TMEFF1: variants seen among roughly 807,000 people sequenced by gnomAD.
The protein encoded by TMEFF1 is tomoregulin-1.
A neutral mutation model predicts 47.5 loss-of-function variants in TMEFF1; 20 were observed. The ratio of observed to expected loss-of-function variants is 0.42; its 90% CI spans 0.30 to 0.61. TMEFF1 has a LOEUF of 0.61. Among genes scored for constraint, TMEFF1 ranks in the 20% least tolerant of loss-of-function variants. The pLI is 0.19. For synonymous variants in TMEFF1, 162 were observed against 166.3 expected (o/e 0.97, Z 0.20); for missense variants, 411 against 471.1 (o/e 0.87, Z 1.18).
chr9:100,474,613 A>G (rs145493893), intron 1 of TMEFF1, among the ~76,000 whole-genome samples: 157 of 151,938 alleles, frequency 1.0e-3, no homozygotes, highest in African/African-American at 3.4e-3. Context: ...GAAAGAGGAA[A>G]TTAGGTCTCA....
chr9:100,561,297 G>GA, intron 7 of TMEFF1, 100 bp from the exon 8 acceptor site: 11 of 1,520,494 alleles, frequency 7.2e-6, no homozygotes, highest in Non-Finnish European at 9.6e-6. Flanking sequence ...GTAGGTGGTT[G>GA]ACAGTGGGTG....
intron 1 of TMEFF1, among the ~76,000 whole-genome samples, chr9:100,490,863 G>GTT (rs978811197): frequency 6.6e-6 from 1 of 151,208 alleles, no homozygotes; most frequent in South Asian, 2.1e-4. Flanking sequence ...GTGTGTGTGT[G>GTT]TGTGTGTGTA....
chr9:100,499,554 C>T (rs1235883212), intron 2 of TMEFF1, among the ~76,000 whole-genome samples: 1 of 151,926 alleles, frequency 6.6e-6, no homozygotes, highest in Non-Finnish European at 1.5e-5. Flanking sequence ...ATTTTTTTTC[C>T]ACTCACAATT....
At chr9:100,505,566 A>C (rs1396726172) in intron 2 of TMEFF1, among the ~76,000 whole-genome samples, 2 of 152,168 alleles carry the variant, frequency 1.3e-5, no homozygotes, top group Admixed American at 6.6e-5. Flanking sequence ...GTATTAAGGA[A>C]AGTCTTGTCA....
chr9:100,559,278 T>A (rs1838970849), intron 7 of TMEFF1, among the ~76,000 whole-genome samples: 1 of 152,274 alleles, frequency 6.6e-6, no homozygotes. Flanking sequence ...AGAATTATAG[T>A]ATGGGAGCTG....
intron 8 of TMEFF1, among the ~76,000 whole-genome samples, chr9:100,562,392 T>C (rs1048018883): frequency 2.0e-5 from 3 of 152,102 alleles, no homozygotes; most frequent in African/African-American, 7.2e-5. Flanking sequence ...CTTGGGTCCT[T>C]CTACTTCTTT....
At chr9:100,537,868 T>C (rs1838550455) in intron 5 of TMEFF1, among the ~76,000 whole-genome samples, 1 of 152,210 alleles carries the variant, frequency 6.6e-6, no homozygotes. Flanking sequence ...TTTCCAGAAA[T>C]TAAATTTTTG....
chr9:100,486,007 A>G lies in TMEFF1; in HGVS notation c.196+12267A>G, dbSNP rs116122783. Among the ~76,000 whole-genome samples, 562 of 149,702 alleles carry G rather than the reference A, an allele frequency of 3.8e-3. 2 individuals carry two copies. Among genetic ancestry groups the G allele is most frequent in the African/African-American group, 0.013 (530 of 40,892 alleles). On this transcript the variant is annotated intron_variant, in intron 1 of 9. Coordinates refer to ENST00000374879, the MANE Select transcript of TMEFF1 (RefSeq NM_003692.5). ...CCTTTAAAAACTTTGGCAGGTTATTATATTTTCAACCACAGCTCAATTTCT... is the reference window on the plus strand; with the variant it reads ...CCTTTAAAAACTTTGGCAGGTTATTGTATTTTCAACCACAGCTCAATTTCT...
intron 5 of TMEFF1, among the ~76,000 whole-genome samples, chr9:100,524,977 G>A (rs1838229234): frequency 6.6e-6 from 1 of 152,092 alleles, no homozygotes; most frequent in Admixed American, 6.6e-5. Context: ...ATAAGAATCT[G>A]GGCCAGGCTT....
At chr9:100,497,051 C>A (rs565353550) in intron 1 of TMEFF1, among the ~76,000 whole-genome samples, 1 of 152,218 alleles carries the variant, frequency 6.6e-6, no homozygotes, top group South Asian at 2.1e-4. Context: ...TGGAACCAGA[C>A]CTTGTCCAAG....
chr9:100,566,524 C>T (rs1839128206), intron 8 of TMEFF1, among the ~76,000 whole-genome samples: 1 of 152,132 alleles, frequency 6.6e-6, no homozygotes, highest in Non-Finnish European at 1.5e-5. Flanking sequence ...TCTTTCGTAT[C>T]CAATCAGCTG....
In TMEFF1 at chr9:100,473,371, G is replaced by T. The variant is rs1331803724; in HGVS notation, c.-174G>T. The T allele has an allele frequency of 1.3e-5, 5 of 383,192 alleles. No homozygotes were observed. In the East Asian group the frequency reaches 2.8e-4, roughly 22 times the overall value. The allele number at this position is 383,192 out of a possible 1,614,324, so 23.7% of individuals were successfully genotyped here. On this transcript the variant is annotated 5_prime_UTR_variant, in exon 1 of 10. Transcript: ENST00000374879. This position sits in a 1 kb window ranked among gnomAD's most constrained non-coding sequence, Gnocchi z 5.4. ...ACCCGCCGACTCCGTCCCGAGCGCC[G>T]CGGGCCCGGGCCTGGCGGACGCTGC...
chr9:100,497,578 A>G (rs1020314079), intron 1 of TMEFF1, among the ~76,000 whole-genome samples: 2 of 152,028 alleles, frequency 1.3e-5, no homozygotes, highest in African/African-American at 2.4e-5. Context: ...GTGAGCTAGG[A>G]GTAGGAGACC....
intron 3 of TMEFF1, among the ~76,000 whole-genome samples, chr9:100,511,054 T>C (rs1837955580): frequency 6.6e-6 from 1 of 152,148 alleles, no homozygotes. Context: ...AGACGAGACC[T>C]CTCTTGTAGG....
chr9:100,566,789 C>T (rs185443932), intron 8 of TMEFF1, among the ~76,000 whole-genome samples: 40 of 152,170 alleles, frequency 2.6e-4, no homozygotes, highest in Admixed American at 4.6e-4. Context: ...ACTGCAGCCT[C>T]CACCTCCTGG....
Position 100,567,985 on chromosome 9 carries a change from C to T in TMEFF1, c.900-4533C>T, listed in dbSNP as rs140871759. ...TCCAGTTTTTAAAACCATCAGATCTCGTGAGACTCATTTACTGTCACAAGA... is the reference window on the plus strand; with the variant it reads ...TCCAGTTTTTAAAACCATCAGATCTTGTGAGACTCATTTACTGTCACAAGA... On this transcript the variant is annotated intron_variant, in intron 8 of 9. Transcript: ENST00000374879. Among the ~76,000 whole-genome samples the T allele has an allele frequency of 3.0e-3, 463 of 152,202 alleles. 2 individuals carry two copies. The highest frequency in any genetic ancestry group is 5.5e-3 in the Non-Finnish European group (373 of 68,004).
At chr9:100,533,838 C>A (rs1287908346) in intron 5 of TMEFF1, among the ~76,000 whole-genome samples, 4 of 152,128 alleles carry the variant, frequency 2.6e-5, no homozygotes, top group South Asian at 2.1e-4. Context: ...CCTGCCTCAG[C>A]CTCCCGAGTA....
chr9:100,542,277 G>A (rs1838648187), intron 5 of TMEFF1, among the ~76,000 whole-genome samples: 2 of 151,940 alleles, frequency 1.3e-5, no homozygotes, highest in African/African-American at 4.8e-5. Context: ...CCAAACTTGT[G>A]TGCTATTGTT....
At chr9:100,538,479 AGGCAGACTGTACTTCAG>A (rs773934597) in intron 5 of TMEFF1, among the ~76,000 whole-genome samples, 10 of 152,328 alleles carry the variant, frequency 6.6e-5, no homozygotes, top group Middle Eastern at 3.4e-3. Context: ...AGGATATGGA[AGGCAGACTGTACTTCAG>A]GGCCTCCCAT....
Sources: gnomAD v4.1 joint callset for allele counts (sites outside exome capture counted in the v4.1 genomes callset) on GRCh38, gnomAD v4.1.1 for gene constraint, Gnocchi (gnomAD v3.1) non-coding constraint, MANE v1.5 for transcripts, NCBI Gene and HGNC (gene_info 2026-07-23, HGNC 2026-07-21) for gene names.